The following MOXD1 variants were observed in gnomAD, a reference collection of about 807,000 sequenced individuals.
The protein encoded by MOXD1 is monooxygenase DBH like 1, also known as DBH-like monooxygenase protein 1.
In MOXD1, 62 loss-of-function variants were observed where a neutral mutation model predicts 66.6. The observed-to-expected ratio is 0.93, with a 90% CI of 0.76 to 1.15. The LOEUF is 1.15. Ranked by LOEUF, MOXD1 falls within the 50% of genes most tolerant of loss-of-function variation. The probability of loss-of-function intolerance (pLI) is 0.00; values close to 1 mark genes in which losing one functional copy is unlikely to be tolerated. For synonymous variants in MOXD1, 303 were observed against 281.9 expected (o/e 1.07, Z -0.75); for missense variants, 847 against 754.6 (o/e 1.12, Z -1.44).
chr6:132,364,802 T>A (rs940706476), intron 4 of MOXD1, among the ~76,000 whole-genome samples: 1 of 152,136 alleles, frequency 6.6e-6, no homozygotes, highest in African/African-American at 2.4e-5. Flanking sequence ...ACAGCTAACA[T>A]ACGAGGCAAA....
intron 9 of MOXD1, 107 bp from the exon 10 acceptor site, chr6:132,315,884 T>C (rs1305239782): frequency 8.4e-7 from 1 of 1,184,082 alleles, no homozygotes; most frequent in African/African-American, 1.6e-5. Flanking sequence ...TAAAATTTAA[T>C]ACATCTTAAA....
rs1306952710 is a variant in MOXD1 at position 132,296,428 on chromosome 6, A to G, written c.*725T>C. On this transcript the variant is annotated 3_prime_UTR_variant, in exon 12 of 12. Coordinates refer to ENST00000367963, the MANE Select transcript of MOXD1 (RefSeq NM_015529.4). ...TCAGCCTATGATCAGTTATTAATAC[A>G]TACCATTTCTATGTTTCCCATAGCC... is the stretch of plus-strand genomic sequence containing the variant. The G allele has an allele frequency of 1.3e-5, 2 of 152,174 alleles. No individual in the cohort carries two copies. The highest frequency in any genetic ancestry group is 2.4e-5 in the African/African-American group (1 of 41,446). 9.4% of individuals were successfully genotyped at this position (152,174 alleles called of 1,614,324 possible).
intron 4 of MOXD1, among the ~76,000 whole-genome samples, chr6:132,354,441 C>T (rs1775868612): frequency 6.6e-6 from 1 of 152,180 alleles, no homozygotes; most frequent in African/African-American, 2.4e-5. Context: ...TGTAGCCACC[C>T]AGCAAGTCTA....
At chr6:132,303,588 T>C (rs1331753033) in intron 10 of MOXD1, among the ~76,000 whole-genome samples, 4 of 151,326 alleles carry the variant, frequency 2.6e-5, no homozygotes, top group African/African-American at 7.3e-5. Context: ...AATAAAAATA[T>C]TCTGTGCATG....
intron 4 of MOXD1, among the ~76,000 whole-genome samples, chr6:132,352,031 C>T (rs1173095041): frequency 2.6e-5 from 4 of 152,078 alleles, no homozygotes; most frequent in Admixed American, 1.3e-4. Context: ...CTAGGTTAAT[C>T]TTGTTAATGG....
chr6:132,374,494 A>G (rs1218361592), intron 2 of MOXD1, 137 bp downstream of exon 2: 2 of 975,938 alleles, frequency 2.0e-6, no homozygotes, highest in Non-Finnish European at 2.7e-6. Context: ...ACTAAAAAAA[A>G]AACTAAAAAA....
intron 4 of MOXD1, among the ~76,000 whole-genome samples, chr6:132,353,149 T>C (rs1012139525): frequency 6.6e-6 from 1 of 152,194 alleles, no homozygotes; most frequent in African/African-American, 2.4e-5. Context: ...CAATGTAGTA[T>C]TGAGATGTAA....
intron 2 of MOXD1, 98 bp downstream of exon 2, chr6:132,374,533 A>T: frequency 9.3e-7 from 1 of 1,078,664 alleles, no homozygotes; most frequent in Non-Finnish European, 1.2e-6. Flanking sequence ...AAATATTAGA[A>T]AAAAGACTAT....
chr6:132,328,600 C>G lies in MOXD1; in HGVS notation c.664-6G>C, dbSNP rs750876474. The G allele has an allele frequency of 6.2e-6, 10 of 1,612,586 alleles. No individual in the cohort carries two copies. The highest frequency in any genetic ancestry group is 2.2e-5 in the South Asian group (2 of 90,948). ...CTCTGTATCACTGGCTCAACCTACACGAACATAAATGAGAGGGAGGACACA... is the reference window on the plus strand; with the variant it reads ...CTCTGTATCACTGGCTCAACCTACAGGAACATAAATGAGAGGGAGGACACA... On this transcript the variant is annotated splice_region_variant and splice_polypyrimidine_tract_variant and intron_variant, in intron 4 of 11. Coordinates refer to ENST00000367963, the MANE Select transcript of MOXD1 (RefSeq NM_015529.4).
At chr6:132,378,917 G>A (rs1433794290) in intron 1 of MOXD1, among the ~76,000 whole-genome samples, 4 of 35,534 alleles carry the variant, frequency 1.1e-4, no homozygotes, top group Admixed American at 9.2e-4. Flanking sequence ...TTTTTTTTGC[G>A]ACAGAGTTTC....
At chr6:132,355,071 C>A (rs75789185) in intron 4 of MOXD1, among the ~76,000 whole-genome samples, 2,340 of 152,224 alleles carry the variant, frequency 0.015, 60 homozygotes, top group African/African-American at 0.049. Context: ...CCCAGACTAG[C>A]CACTTCCCAG....
At chr6:132,351,672 G>T (rs1324791606) in intron 4 of MOXD1, among the ~76,000 whole-genome samples, 1 of 151,990 alleles carries the variant, frequency 6.6e-6, no homozygotes, top group Admixed American at 6.6e-5. Flanking sequence ...AATTAGGGAG[G>T]GTTCTCCCTT....
At chr6:132,371,738 T>A (rs912481436) in intron 4 of MOXD1, among the ~76,000 whole-genome samples, 34 of 152,152 alleles carry the variant, frequency 2.2e-4, no homozygotes, top group African/African-American at 8.2e-4. Flanking sequence ...CAAACCCATG[T>A]ATTTCCCTCT....
At position 132,384,252 on chromosome 6, in the gene MOXD1, T is replaced by C. The variant is rs1367108096; in HGVS notation, c.265-9475A>G. Among the ~76,000 whole-genome samples, 3 of 65,626 alleles carry C rather than the reference T, an allele frequency of 4.6e-5. No homozygotes were observed. In the East Asian group the frequency reaches 2.4e-3, roughly 52 times the overall value. The allele number at this position is 65,626 out of a possible 152,430, so 43.1% of individuals were successfully genotyped here. A position where few individuals can be genotyped will look rare whatever the true frequency, so the allele number is the denominator to read the frequency against. On this transcript the variant is annotated intron_variant, in intron 1 of 11. Coordinates refer to ENST00000367963, the MANE Select transcript of MOXD1 (RefSeq NM_015529.4). ...TTCCTCCCTCCCTCTCTTCCTTCCT[T>C]CCTTCCTTCCTTCCTTCCTTCCTTC...
At chr6:132,340,458 T>G (rs931883898) in intron 4 of MOXD1, among the ~76,000 whole-genome samples, 3 of 148,338 alleles carry the variant, frequency 2.0e-5, no homozygotes, top group African/African-American at 4.9e-5. Context: ...TTTTTTTTTT[T>G]TTTTCTAAAT....
intron 4 of MOXD1, among the ~76,000 whole-genome samples, chr6:132,346,554 T>C (rs1775672580): frequency 6.6e-6 from 1 of 152,218 alleles, no homozygotes; most frequent in Non-Finnish European, 1.5e-5. Context: ...CTATGTTGGT[T>C]TTTATCCAAA....
chr6:132,368,585 C>A (rs993291858), intron 4 of MOXD1, among the ~76,000 whole-genome samples: 4 of 151,932 alleles, frequency 2.6e-5, no homozygotes, highest in Admixed American at 2.0e-4. Context: ...GAGATAAAAT[C>A]ATTTATGTTT....
chr6:132,340,310 T>C (rs1160121374), intron 4 of MOXD1, among the ~76,000 whole-genome samples: 1 of 152,236 alleles, frequency 6.6e-6, no homozygotes, highest in Non-Finnish European at 1.5e-5. Flanking sequence ...ACAATTATTT[T>C]CTTCAATCAC....
At chr6:132,356,924 C>G (rs1775920179) in intron 4 of MOXD1, among the ~76,000 whole-genome samples, 1 of 151,912 alleles carries the variant, frequency 6.6e-6, no homozygotes, top group Non-Finnish European at 1.5e-5. Context: ...AGAAAGAGGG[C>G]ACTACTACTT....
Sources: gnomAD v4.1 joint callset for allele counts (sites outside exome capture counted in the v4.1 genomes callset) on GRCh38, gnomAD v4.1.1 for gene constraint, MANE v1.5 for transcripts, NCBI Gene and HGNC (gene_info 2026-07-23, HGNC 2026-07-21) for gene names.